The following ANGPT1 variants were observed in gnomAD, a reference collection of about 807,000 sequenced individuals.
ANGPT1 encodes angiopoietin 1, also known as angiopoietin-1.
In ANGPT1, 17 loss-of-function variants were observed where a neutral mutation model predicts 62.2. The ratio of observed to expected loss-of-function variants is 0.27; its 90% CI spans 0.19 to 0.41. ANGPT1 has a LOEUF of 0.41. Among genes scored for constraint, ANGPT1 ranks in the 10% least tolerant of loss-of-function variants. ANGPT1 has a pLI of 1.00. For synonymous variants in ANGPT1, 199 were observed against 198.9 expected, an observed-to-expected ratio of 1.00 and a Z score of 0.00; for missense variants, 478 against 594.9, an observed-to-expected ratio of 0.80 and a Z score of 2.04.
chr8:107,403,934 G>T (rs1036789666), intron 1 of ANGPT1, among the ~76,000 whole-genome samples: 13 of 152,110 alleles, frequency 8.5e-5, no homozygotes, highest in African/African-American at 2.9e-4. Context: ...GGCCACTGGA[G>T]AATTTTAAAA....
chr8:107,297,231 A>C lies in ANGPT1; in HGVS notation c.937-3194T>G, dbSNP rs537222053. ...CATATGCTTCCCAATTCTTATGCAG[A>C]CTTAATAACATCAATGATAACAGCT... On this transcript the variant is annotated intron_variant, in intron 5 of 8. Transcript: ENST00000517746. 5.9e-5 allele frequency among the ~76,000 whole-genome samples: 9 copies of C among 152,104 alleles called. No individual in the cohort carries two copies. In the South Asian group the frequency reaches 6.2e-4, roughly 11 times the overall value.
At chr8:107,323,800 G>T (rs1268762360) in intron 3 of ANGPT1, among the ~76,000 whole-genome samples, 1 of 151,954 alleles carries the variant, frequency 6.6e-6, no homozygotes, top group African/African-American at 2.4e-5. Context: ...ACAGAGTCTT[G>T]CTCTGTCGCC....
intron 1 of ANGPT1, among the ~76,000 whole-genome samples, chr8:107,353,903 G>C (rs1313389087): frequency 1.3e-5 from 2 of 152,094 alleles, no homozygotes; most frequent in Non-Finnish European, 2.9e-5. Context: ...GATGCTCTCA[G>C]ATACTGATAC....
chr8:107,395,148 T>G (rs1190235575), intron 1 of ANGPT1, among the ~76,000 whole-genome samples: 1 of 152,206 alleles, frequency 6.6e-6, no homozygotes, highest in Non-Finnish European at 1.5e-5. Context: ...TTATCTGTTT[T>G]TCATTTATTC....
At chr8:107,277,146 T>C (rs1034797258) in intron 7 of ANGPT1, among the ~76,000 whole-genome samples, 1 of 152,186 alleles carries the variant, frequency 6.6e-6, no homozygotes, top group African/African-American at 2.4e-5. Flanking sequence ...ATACTAATTT[T>C]CTATTGCTTA....
intron 1 of ANGPT1, among the ~76,000 whole-genome samples, chr8:107,403,545 A>T (rs1817088001): frequency 6.6e-6 from 1 of 152,104 alleles, no homozygotes. Flanking sequence ...TGATAAGGGT[A>T]AAGGGAGTAT....
At chr8:107,309,512 G>T (rs758254688) in intron 4 of ANGPT1, among the ~76,000 whole-genome samples, 12 of 152,148 alleles carry the variant, frequency 7.9e-5, no homozygotes, top group Non-Finnish European at 1.2e-4. Flanking sequence ...TTATTCAAAA[G>T]AATCTTTAAA....
At chr8:107,403,742 C>A (rs1421680941) in intron 1 of ANGPT1, among the ~76,000 whole-genome samples, 1 of 151,950 alleles carries the variant, frequency 6.6e-6, no homozygotes, top group Non-Finnish European at 1.5e-5. Flanking sequence ...GGATCCTTTC[C>A]ATTTTGAAAA....
intron 3 of ANGPT1, 44 bp from the exon 4 acceptor site, chr8:107,322,172 T>G (rs1441958300): frequency 7.0e-7 from 1 of 1,423,898 alleles, no homozygotes; most frequent in Non-Finnish European, 9.6e-7. Context: ...AAAAATGTTA[T>G]ACAAAAAAAC....
At chr8:107,297,408 T>A (rs187853018) in intron 5 of ANGPT1, among the ~76,000 whole-genome samples, 1 of 151,940 alleles carries the variant, frequency 6.6e-6, no homozygotes, top group African/African-American at 2.4e-5. Flanking sequence ...TTAATGCATA[T>A]AGAATTTTTA....
chr8:107,371,331 G>T (rs1346202622), intron 1 of ANGPT1, among the ~76,000 whole-genome samples: 1 of 152,130 alleles, frequency 6.6e-6, no homozygotes, highest in African/African-American at 2.4e-5. Flanking sequence ...AAAATAATTT[G>T]TCAGTCAATC....
chr8:107,451,309 C>T (rs1811772659), intron 1 of ANGPT1, among the ~76,000 whole-genome samples: 1 of 83,418 alleles, frequency 1.2e-5, no homozygotes, highest in African/African-American at 4.5e-5. Context: ...CTAATACATA[C>T]ATAACAGACA....
At chr8:107,432,249 A>T (rs1385664165) in intron 1 of ANGPT1, among the ~76,000 whole-genome samples, 4 of 151,804 alleles carry the variant, frequency 2.6e-5, no homozygotes, top group Admixed American at 2.6e-4. Context: ...CAAATAAATT[A>T]TTTTGGGATT....
intron 8 of ANGPT1, among the ~76,000 whole-genome samples, chr8:107,255,092 T>C (rs1487493421): frequency 1.3e-5 from 2 of 152,140 alleles, no homozygotes; most frequent in African/African-American, 2.4e-5. Context: ...CTTTAAAGCA[T>C]GCACAGTTTT....
At chr8:107,415,861 T>C (rs1357777665) in intron 1 of ANGPT1, among the ~76,000 whole-genome samples, 3 of 152,128 alleles carry the variant, frequency 2.0e-5, no homozygotes, top group African/African-American at 4.8e-5. Flanking sequence ...GGCTCCCCCT[T>C]GCAAAGTAAT....
intron 1 of ANGPT1, among the ~76,000 whole-genome samples, chr8:107,375,238 G>C (rs1238702631): frequency 6.6e-6 from 1 of 151,982 alleles, no homozygotes; most frequent in African/African-American, 2.4e-5. Context: ...GCATAAATAA[G>C]AACAGAAATT....
chr8:107,442,406 CT>C (rs1445240811), intron 1 of ANGPT1, among the ~76,000 whole-genome samples: 1 of 152,182 alleles, frequency 6.6e-6, no homozygotes, highest in African/African-American at 2.4e-5. Flanking sequence ...TCAAGTTGTA[CT>C]TAGCTTCCTA....
chr8:107,268,947 A>G (rs1275379780), intron 7 of ANGPT1, among the ~76,000 whole-genome samples: 5 of 152,046 alleles, frequency 3.3e-5, no homozygotes, highest in Admixed American at 2.0e-4. Context: ...TCATCCCCCC[A>G]TGTTTATATC....
intron 8 of ANGPT1, among the ~76,000 whole-genome samples, chr8:107,258,342 T>G (rs1423062900): frequency 6.6e-6 from 1 of 152,242 alleles, no homozygotes; most frequent in Non-Finnish European, 1.5e-5. Flanking sequence ...CCAAAAGTAT[T>G]ATTGTAGTCT....
Sources: allele counts gnomAD v4.1 joint callset (sites outside exome capture counted in the v4.1 genomes callset), GRCh38; gene constraint gnomAD v4.1.1; transcripts MANE v1.5; gene names NCBI Gene and HGNC (gene_info 2026-07-23, HGNC 2026-07-21).